IL12RB2: variants seen among roughly 807,000 people sequenced by gnomAD.
The protein encoded by IL12RB2 is interleukin-12 receptor subunit beta-2.
In IL12RB2, 82 loss-of-function variants were observed where a neutral mutation model predicts 89.4. That is an observed-to-expected ratio of 0.92 (90% CI 0.77 to 1.10). The LOEUF (loss-of-function observed/expected upper bound fraction) is 1.10, where lower values mean the gene tolerates loss of function less well. Ranked by LOEUF, IL12RB2 falls within the 50% of genes least tolerant of loss-of-function variation. The pLI, the probability that IL12RB2 is intolerant of heterozygous loss-of-function variation, is 0.00. For synonymous variants in IL12RB2, 368 were observed against 370.1 expected, an observed-to-expected ratio of 0.99 and a Z score of 0.07; for missense variants, 963 against 1,031.9, an observed-to-expected ratio of 0.93 and a Z score of 0.92.
Position 67,367,879 on chromosome 1 carries a change from T to C in IL12RB2, c.1313T>C (p.Leu438Pro). 1 of 1,610,290 alleles carries C rather than the reference T, an allele frequency of 6.2e-7. No homozygotes were observed. Among genetic ancestry groups the C allele is most frequent in the Non-Finnish European group, 8.5e-7 (1 of 1,176,408 alleles). Residue 438 changes from leucine to proline, a missense_variant, in exon 11 of 17, where the codon CTG becomes CCG. Coordinates refer to ENST00000674203, the MANE Select transcript of IL12RB2 (RefSeq NM_001374259.2). ...SANSEGMDNI[L>P]VTWQPPRKDP... ...AACTCAGAGGGCATGGACAACATTC[T>C]GGTGACTTGGCAGCCTCCCAGGAAA...
At chr1:67,388,412 C>A (rs1170148479) in intron 15 of IL12RB2, among the ~76,000 whole-genome samples, 1 of 152,162 alleles carries the variant, frequency 6.6e-6, no homozygotes, top group Non-Finnish European at 1.5e-5. Flanking sequence ...GTGGCATGAT[C>A]TTGGCTCACT....
chr1:67,311,846 T>C (rs954165685), intron 1 of IL12RB2, among the ~76,000 whole-genome samples: 17 of 152,060 alleles, frequency 1.1e-4, no homozygotes, highest in African/African-American at 3.9e-4. Context: ...TCTTAGAAAA[T>C]TCTCAAAACA....
chr1:67,335,327 G>A (rs1326792445), intron 8 of IL12RB2, among the ~76,000 whole-genome samples: 2 of 152,208 alleles, frequency 1.3e-5, no homozygotes, highest in African/African-American at 2.4e-5. Flanking sequence ...GAGTTGGACC[G>A]TGATGGAAGT....
rs751932660 is a variant in IL12RB2 at position 67,397,222 on chromosome 1, A to C, written c.*1133A>C. 6.6e-6 allele frequency among the ~76,000 whole-genome samples: 1 copy of C among 152,112 alleles called. No homozygotes were observed. Among genetic ancestry groups the C allele is most frequent in the Non-Finnish European group, 1.5e-5 (1 of 68,026 alleles). On this transcript the variant is annotated 3_prime_UTR_variant, in exon 17 of 17. Coordinates refer to ENST00000674203, the MANE Select transcript of IL12RB2 (RefSeq NM_001374259.2). ...CATCCTCTTTCAGCAAATCAAGGGC[A>C]GCTGGATGGTGAAGACCTATATTGT...
At position 67,350,945 on chromosome 1, in the gene IL12RB2, G is replaced by GC. The variant is rs958621780; in HGVS notation, c.1116dup (p.Met373HisfsTer17). On this transcript the variant is annotated frameshift_variant, in exon 10 of 17. Transcript: ENST00000674203. LOFTEE classifies it high-confidence loss of function. ...CTTGCAGGAGCTGACAGGAGGGAAA[G>GC]CCATGACACAGAACATCACAGGACA... 1 of 1,614,160 alleles carries GC rather than the reference G, an allele frequency of 6.2e-7. No individual in the cohort carries two copies. The highest frequency in any genetic ancestry group is 8.5e-7 in the Non-Finnish European group (1 of 1,180,010).
At chr1:67,351,189 G>T in intron 10 of IL12RB2, 100 bp downstream of exon 10, 1 of 1,552,906 alleles carries the variant, frequency 6.4e-7, no homozygotes, top group Non-Finnish European at 8.7e-7. Flanking sequence ...TGAGTAGCTA[G>T]GAGTTCAGGC....
rs12138812 is a variant in IL12RB2 at position 67,386,458 on chromosome 1, A to G, written c.1856-121A>G. 533,284 of 779,486 alleles carry G rather than the reference A, an allele frequency of 0.68. 183,921 individuals are homozygous for G. The highest frequency in any genetic ancestry group is 0.74 in the South Asian group (54,280 of 73,554). 48.3% of individuals were successfully genotyped at this position (779,486 alleles called of 1,614,324 possible). On this transcript the variant is annotated intron_variant, in intron 14 of 16. Transcript: ENST00000674203. Reference sequence around the variant, plus strand: ...GCATAGACAAAAGTGAATTTACCTTATTCTTGAGCACAGCTGCCCAGGAAC... The same window carrying G: ...GCATAGACAAAAGTGAATTTACCTTGTTCTTGAGCACAGCTGCCCAGGAAC...
intron 4 of IL12RB2, among the ~76,000 whole-genome samples, chr1:67,326,278 G>A (rs1235001253): frequency 6.6e-6 from 1 of 152,124 alleles, no homozygotes; most frequent in African/African-American, 2.4e-5. Context: ...AGGGGTAATG[G>A]AGCTAGCACT....
chr1:67,336,246 T>G (rs1345226928), intron 8 of IL12RB2, among the ~76,000 whole-genome samples: 1 of 152,208 alleles, frequency 6.6e-6, no homozygotes. Flanking sequence ...CCAGGTCTTT[T>G]GTAAATCATT....
In IL12RB2 at chr1:67,397,202, T is replaced by C. The variant is rs1666424777; in HGVS notation, c.*1113T>C. On this transcript the variant is annotated 3_prime_UTR_variant, in exon 17 of 17. Transcript: ENST00000674203. Reference sequence around the variant, plus strand: ...TTATTGTTTTATTTTGGCTTCATCCTCTTTCAGCAAATCAAGGGCAGCTGG... The same window carrying C: ...TTATTGTTTTATTTTGGCTTCATCCCCTTTCAGCAAATCAAGGGCAGCTGG... 6.6e-6 allele frequency among the ~76,000 whole-genome samples: 1 copy of C among 152,136 alleles called. No homozygotes were observed. The highest frequency in any genetic ancestry group is 1.5e-5 in the Non-Finnish European group (1 of 68,030).
intron 14 of IL12RB2, 85 bp from the exon 15 acceptor site, chr1:67,386,494 G>A: frequency 1.1e-6 from 1 of 915,134 alleles, no homozygotes; most frequent in Non-Finnish European, 1.8e-6. Context: ...TGTGGGTAAG[G>A]CCCAGAGGGC....
rs947190399 is a variant in IL12RB2 at position 67,320,536 on chromosome 1, T to C, written c.76+92T>C. 9.4e-5 allele frequency: 150 copies of C among 1,594,132 alleles called. No individual in the cohort carries two copies. In the East Asian group the frequency reaches 3.1e-3, roughly 33 times the overall value. ...TATGTATTTGTGGTAAATGTTCTGG[T>C]AGTTGGTCTTTTGTAGTCAATCTCT... On this transcript the variant is annotated intron_variant, in intron 3 of 16. Coordinates refer to ENST00000674203, the MANE Select transcript of IL12RB2 (RefSeq NM_001374259.2).
At position 67,398,616 on chromosome 1, in the gene IL12RB2, G is replaced by A. The variant is rs935313206; in HGVS notation, c.*2527G>A. ...TTCCATATACTTACTTTCTCTGTTG[G>A]ACTGCAGACAACTTGAAAGCAGGAA... On this transcript the variant is annotated 3_prime_UTR_variant, in exon 17 of 17. Transcript: ENST00000674203. Among the ~76,000 whole-genome samples the A allele has an allele frequency of 6.6e-6, 1 of 151,734 alleles. No homozygotes were observed. Among genetic ancestry groups the A allele is most frequent in the Admixed American group, 6.6e-5 (1 of 15,236 alleles).
intron 14 of IL12RB2, among the ~76,000 whole-genome samples, chr1:67,385,567 A>G (rs1363248188): frequency 1.3e-5 from 2 of 152,234 alleles, no homozygotes; most frequent in Admixed American, 6.5e-5. Context: ...TGACTTCTTT[A>G]GACAGCAGAG....
chr1:67,324,935 C>T (rs1569780581), intron 4 of IL12RB2, among the ~76,000 whole-genome samples: 1 of 152,184 alleles, frequency 6.6e-6, no homozygotes, highest in South Asian at 2.1e-4. Flanking sequence ...GAAGCTGATG[C>T]CCCAGGCAGC....
chr1:67,314,595 A>C (rs1655518840), intron 2 of IL12RB2, among the ~76,000 whole-genome samples: 1 of 152,212 alleles, frequency 6.6e-6, no homozygotes, highest in African/African-American at 2.4e-5. Flanking sequence ...CTTGACCTTA[A>C]TACAGTGCTA....
intron 16 of IL12RB2, among the ~76,000 whole-genome samples, chr1:67,394,015 C>T (rs1403007858): frequency 2.0e-5 from 3 of 152,168 alleles, no homozygotes; most frequent in Non-Finnish European, 4.4e-5. Flanking sequence ...GGGAAAGGAA[C>T]AGTCACCAGG....
At chr1:67,308,648 A>G (rs1271834561) in intron 1 of IL12RB2, among the ~76,000 whole-genome samples, 1 of 152,170 alleles carries the variant, frequency 6.6e-6, no homozygotes, top group Admixed American at 6.5e-5. Context: ...CAGTGTCAGC[A>G]TTGTACGGGA....
At chr1:67,392,721 C>T (rs1186876135) in intron 16 of IL12RB2, among the ~76,000 whole-genome samples, 3 of 146,580 alleles carry the variant, frequency 2.0e-5, no homozygotes, top group Non-Finnish European at 4.5e-5. Context: ...AGCTCCGCCT[C>T]CTGGGTTCAC....
Sources: gnomAD v4.1 joint callset for allele counts (sites outside exome capture counted in the v4.1 genomes callset) on GRCh38, gnomAD v4.1.1 for gene constraint, MANE v1.5 for transcripts, NCBI Gene and HGNC (gene_info 2026-07-23, HGNC 2026-07-21) for gene names.